The following CREB5 variants were observed in gnomAD, a reference collection of about 807,000 sequenced individuals.
CREB5 encodes the protein cAMP responsive element binding protein 5, also known as cyclic AMP-responsive element-binding protein 5.
Under a neutral mutation model 57.1 loss-of-function variants are expected in CREB5, and 19 were observed. That is an observed-to-expected ratio of 0.33 (90% CI 0.23 to 0.49). CREB5 has a LOEUF of 0.49. Ranked by LOEUF, CREB5 falls within the 20% of genes least tolerant of loss-of-function variation. The probability of loss-of-function intolerance (pLI) is 0.99; values close to 1 mark genes in which losing one functional copy is unlikely to be tolerated. For synonymous variants in CREB5, 238 were observed against 238.3 expected, an observed-to-expected ratio of 1.00 and a Z score of 0.01; for missense variants, 579 against 671.6, an observed-to-expected ratio of 0.86 and a Z score of 1.52.
chr7:28,607,014 C>T (rs745873542), intron 5 of CREB5, among the ~76,000 whole-genome samples: 4 of 152,102 alleles, frequency 2.6e-5, no homozygotes, highest in Non-Finnish European at 5.9e-5. Context: ...TGCTAACTCT[C>T]ATCATCTTAC....
At chr7:28,534,190 G>C (rs1793858567) in intron 4 of CREB5, among the ~76,000 whole-genome samples, 1 of 152,228 alleles carries the variant, frequency 6.6e-6, no homozygotes, top group South Asian at 2.1e-4. Context: ...CAATTTGCTG[G>C]AGAATTTCCC....
At chr7:28,575,843 A>G (rs138038116) in intron 5 of CREB5, among the ~76,000 whole-genome samples, 4 of 152,276 alleles carry the variant, frequency 2.6e-5, no homozygotes, top group South Asian at 2.1e-4. Context: ...GTTAAATCCC[A>G]TGCAGAGCCT....
intron 4 of CREB5, among the ~76,000 whole-genome samples, chr7:28,533,611 G>T (rs368439541): frequency 6.6e-6 from 1 of 152,208 alleles, no homozygotes; most frequent in East Asian, 1.9e-4. Flanking sequence ...TTTCTAAAAG[G>T]CTAAGGGTTA....
At chr7:28,780,677 G>A (rs534924852) in intron 7 of CREB5, among the ~76,000 whole-genome samples, 13 of 152,236 alleles carry the variant, frequency 8.5e-5, no homozygotes, top group East Asian at 5.8e-4. Context: ...TGCCGAGATC[G>A]TGTAATTGCA....
intron 4 of CREB5, among the ~76,000 whole-genome samples, chr7:28,528,386 A>G (rs1223130654): frequency 6.6e-6 from 1 of 152,230 alleles, no homozygotes; most frequent in Non-Finnish European, 1.5e-5. Context: ...ATGTGAAAGC[A>G]GTTTGTAAAC....
At position 28,724,432 on chromosome 7, in the gene CREB5, A is replaced by C. The variant is rs1302137411; in HGVS notation, c.702+100A>C. 5.1e-6 allele frequency: 5 copies of C among 985,382 alleles called. No homozygotes were observed. The African/African-American group carries it at 6.4e-5, about 13-fold the overall frequency. The allele number at this position is 985,382 out of a possible 1,614,324, so 61.0% of individuals were successfully genotyped here. On this transcript the variant is annotated intron_variant, in intron 7 of 10. Coordinates refer to ENST00000357727, the MANE Select transcript of CREB5 (RefSeq NM_182898.4). ...TTAGTTCAGCTAGGTAGAGGGCTCC[A>C]TCTTTGTTTTGGTGAATGAAAGGCA...
At chr7:28,638,812 G>C (rs1798531777) in intron 5 of CREB5, among the ~76,000 whole-genome samples, 1 of 152,062 alleles carries the variant, frequency 6.6e-6, no homozygotes, top group South Asian at 2.1e-4. Context: ...ACATCCCATA[G>C]CAAATCAGAG....
At chr7:28,488,079 G>A (rs1223162899) in intron 1 of CREB5, 96 bp from the exon 2 acceptor site, 1 of 1,035,776 alleles carries the variant, frequency 9.7e-7, no homozygotes, top group Admixed American at 1.8e-5. Flanking sequence ...ATAGAAAGGG[G>A]GCTCTGAGTG....
chr7:28,552,069 TCTCA>T (rs1794694143), intron 4 of CREB5, among the ~76,000 whole-genome samples: 1 of 146,946 alleles, frequency 6.8e-6, no homozygotes, highest in Admixed American at 6.7e-5. Context: ...CTTTCTTTCA[TCTCA>T]CTCTGTCTCC....
chr7:28,311,429 G>A (rs1229170952), intron 1 of CREB5, among the ~76,000 whole-genome samples: 1 of 152,182 alleles, frequency 6.6e-6, no homozygotes, highest in African/African-American at 2.4e-5. Flanking sequence ...GCAGTGCTTT[G>A]AAAACATATC....
intron 5 of CREB5, among the ~76,000 whole-genome samples, chr7:28,609,846 A>T (rs1385596619): frequency 6.6e-6 from 1 of 152,248 alleles, no homozygotes; most frequent in Non-Finnish European, 1.5e-5. Context: ...AGAGAGGTGG[A>T]CACATGGGGT....
At chr7:28,615,031 C>T (rs1435447972) in intron 5 of CREB5, 1 of 152,176 alleles carries the variant, frequency 6.6e-6, no homozygotes, top group Admixed American at 6.5e-5. Flanking sequence ...CTTGATGTCT[C>T]TTTTTTTGTC....
chr7:28,734,530 T>C (rs1043165103), intron 7 of CREB5, among the ~76,000 whole-genome samples: 13 of 152,126 alleles, frequency 8.5e-5, no homozygotes, highest in African/African-American at 3.1e-4. Flanking sequence ...AATTTAACTA[T>C]TTCCTCATTT....
rs188303731 is a variant in CREB5, at chr7:28,418,414, C to G, written c.3+5497C>G. ...CGCACCTTCTTGTGAAGTCTACAGA[C>G]AGAATTGTTTGTGGAGGGGAGGAGA... On this transcript the variant is annotated intron_variant, in intron 1 of 10. Coordinates refer to ENST00000357727, the MANE Select transcript of CREB5 (RefSeq NM_182898.4). 5.0e-3 allele frequency among the ~76,000 whole-genome samples: 759 copies of G among 152,172 alleles called. 9 individuals carry two copies. Among genetic ancestry groups the G allele is most frequent in the Admixed American group, 7.1e-3 (109 of 15,296 alleles).
intron 1 of CREB5, among the ~76,000 whole-genome samples, chr7:28,370,240 C>CT (rs1244444020): frequency 6.6e-6 from 1 of 152,180 alleles, no homozygotes; most frequent in Non-Finnish European, 1.5e-5. Flanking sequence ...GTGCCCTAGC[C>CT]TCAGCTTCAG....
In CREB5 at chr7:28,724,291, G is replaced by C. The variant is rs1324100365; in HGVS notation, c.661G>C (p.Ala221Pro). 1.9e-6 allele frequency: 3 copies of C among 1,613,712 alleles called. No individual in the cohort carries two copies. The highest frequency in any genetic ancestry group is 2.5e-6 in the Non-Finnish European group (3 of 1,179,870). ...MQGPNLSNPC[A>P]SPQVQPMHSE... Reference sequence around the variant, plus strand: ...AGGTCCAAATCTCAGCAACCCCTGTGCTTCTCCCCAGGTCCAGCCAATGCA... The same window carrying C: ...AGGTCCAAATCTCAGCAACCCCTGTCCTTCTCCCCAGGTCCAGCCAATGCA... The change falls in exon 7 of 11, where the codon GCT (alanine) becomes CCT (proline). Residue 221 changes from alanine (A) to proline (P), a missense_variant. Around this residue, in one of 3 missense-constraint regions of CREB5, gnomAD observed 459 missense variants for 515.7 expected, o/e 0.89. Coordinates refer to ENST00000357727, the MANE Select transcript of CREB5 (RefSeq NM_182898.4).
At chr7:28,541,235 T>G (rs1794198730) in intron 4 of CREB5, among the ~76,000 whole-genome samples, 2 of 152,206 alleles carry the variant, frequency 1.3e-5, no homozygotes, top group African/African-American at 4.8e-5. Context: ...ACACACAGGT[T>G]CTGCACTCTC....
chr7:28,599,753 T>TGTTTTG (rs747687257), intron 5 of CREB5, among the ~76,000 whole-genome samples: 1 of 2,686 alleles, frequency 3.7e-4, no homozygotes, highest in Non-Finnish European at 0.015. Flanking sequence ...TGTTTTGTTT[T>TGTTTTG]GTTTTTTTAT....
intron 2 of CREB5, among the ~76,000 whole-genome samples, chr7:28,491,826 C>A (rs1791821238): frequency 6.6e-6 from 1 of 152,120 alleles, no homozygotes; most frequent in Non-Finnish European, 1.5e-5. Context: ...TGGGAACCTG[C>A]ATGGAGAAGA....
Sources: gnomAD v4.1 joint callset for allele counts (sites outside exome capture counted in the v4.1 genomes callset) on GRCh38, gnomAD v4.1.1 for gene constraint, gnomAD v4.1.1 regional missense constraint, MANE v1.5 for transcripts, NCBI Gene and HGNC (gene_info 2026-07-23, HGNC 2026-07-21) for gene names.